Variants in MAP3K3 observed in about 807,000 individuals in gnomAD.
The protein encoded by MAP3K3 is mitogen-activated protein kinase kinase kinase 3.
Under a neutral mutation model 80.9 loss-of-function variants are expected in MAP3K3, and 12 were observed. The ratio of observed to expected loss-of-function variants is 0.15; its 90% CI spans 0.10 to 0.24. The LOEUF is 0.24. Ranked by LOEUF, MAP3K3 falls within the 10% of genes least tolerant of loss-of-function variation. MAP3K3 has a pLI of 1.00. For synonymous variants in MAP3K3, 272 were observed against 307.1 expected, an observed-to-expected ratio of 0.89 and a Z score of 1.19; for missense variants, 596 against 834.7, an observed-to-expected ratio of 0.71 and a Z score of 3.52.
At chr17:63,676,394 G>T (rs1166182994) in intron 6 of MAP3K3, among the ~76,000 whole-genome samples, 1 of 152,192 alleles carries the variant, frequency 6.6e-6, no homozygotes, top group Admixed American at 6.5e-5. Flanking sequence ...TCCCAGGGAA[G>T]TCTCACCCCA....
intron 2 of MAP3K3, among the ~76,000 whole-genome samples, chr17:63,637,274 T>C (rs913114924): frequency 6.6e-6 from 1 of 151,980 alleles, no homozygotes; most frequent in Admixed American, 6.5e-5. Context: ...TTATAATTTA[T>C]AGAGTGCTTT....
In MAP3K3 at chr17:63,691,664, GC is replaced by G; in HGVS notation, c.1345-68del. On this transcript the variant is annotated intron_variant, in intron 13 of 15. Transcript: ENST00000361733. This position sits in a 1 kb window ranked among gnomAD's most constrained non-coding sequence, Gnocchi z 4.8. Reference sequence around the variant, plus strand: ...TCACTCCTTTGCTGCCATGCTGGGGGCTGGAATGGGCTTGCCCCTCCACCAG... The same window carrying G: ...TCACTCCTTTGCTGCCATGCTGGGGGTGGAATGGGCTTGCCCCTCCACCAG... The G allele has an allele frequency of 5.1e-6, 8 of 1,570,076 alleles. No individual in the cohort carries two copies. Among genetic ancestry groups the G allele is most frequent in the Non-Finnish European group, 6.9e-6 (8 of 1,152,962 alleles).
chr17:63,686,982 A>G (rs2035463665), intron 8 of MAP3K3, among the ~76,000 whole-genome samples: 1 of 152,152 alleles, frequency 6.6e-6, no homozygotes, highest in East Asian at 1.9e-4. Flanking sequence ...GAATTTCCCC[A>G]TCTCCAAAAT....
chr17:63,642,606 C>T (rs540135346), intron 2 of MAP3K3, among the ~76,000 whole-genome samples: 4 of 151,914 alleles, frequency 2.6e-5, no homozygotes, highest in East Asian at 1.9e-4. Context: ...TGCAGTGAGC[C>T]GAGATCGCGC....
At chr17:63,690,742 T>C in intron 12 of MAP3K3, 1 of 438,022 alleles carries the variant, frequency 2.3e-6, no homozygotes, top group South Asian at 3.0e-5. Context: ...AGGAAGGAGC[T>C]GTGGGGCTCC....
intron 6 of MAP3K3, among the ~76,000 whole-genome samples, chr17:63,681,045 A>T (rs1170068655): frequency 1.3e-5 from 2 of 151,840 alleles, no homozygotes; most frequent in Admixed American, 1.3e-4. Flanking sequence ...GTAAAGCACC[A>T]CATAAATGCA....
intron 5 of MAP3K3, among the ~76,000 whole-genome samples, chr17:63,659,098 C>T (rs1288770932): frequency 1.3e-5 from 2 of 152,128 alleles, no homozygotes; most frequent in Non-Finnish European, 2.9e-5. Context: ...TCTTGAATTC[C>T]TGAGCTCAAA....
chr17:63,685,875 T>A (rs1359183043), intron 8 of MAP3K3, among the ~76,000 whole-genome samples: 2 of 152,262 alleles, frequency 1.3e-5, no homozygotes, highest in African/African-American at 2.4e-5. Flanking sequence ...CTCGTACTTT[T>A]GGCCTCACTG....
At chr17:63,690,460 A>T (rs2035561826) in intron 12 of MAP3K3, 48 bp downstream of exon 12, 1 of 1,593,714 alleles carries the variant, frequency 6.3e-7, no homozygotes. Flanking sequence ...TTCAACAAAA[A>T]TGCCTGTCTT....
At chr17:63,675,857 G>C (rs918264133) in intron 6 of MAP3K3, among the ~76,000 whole-genome samples, 1 of 152,222 alleles carries the variant, frequency 6.6e-6, no homozygotes, top group African/African-American at 2.4e-5. Flanking sequence ...GTTTTGCATA[G>C]CTCTGTGCTT....
At chr17:63,664,659 T>A (rs763130264) in intron 5 of MAP3K3, among the ~76,000 whole-genome samples, 7 of 152,202 alleles carry the variant, frequency 4.6e-5, no homozygotes, top group Non-Finnish European at 8.8e-5. Context: ...CACAGCTAAC[T>A]TCTACCCAGA....
At chr17:63,682,036 C>T (rs1489745639) in intron 7 of MAP3K3, 137 bp downstream of exon 7, 5 of 709,960 alleles carry the variant, frequency 7.0e-6, no homozygotes, top group Non-Finnish European at 1.0e-5. Flanking sequence ...ACCAGGCCTG[C>T]CCAAATATGG....
intron 5 of MAP3K3, among the ~76,000 whole-genome samples, chr17:63,664,894 C>T (rs1478813374): frequency 6.6e-6 from 1 of 152,102 alleles, no homozygotes; most frequent in Admixed American, 6.5e-5. Context: ...TTTTTATTTA[C>T]CATACCATTC....
chr17:63,643,265 G>A (rs1408508397), intron 2 of MAP3K3, among the ~76,000 whole-genome samples: 3 of 151,976 alleles, frequency 2.0e-5, no homozygotes, highest in African/African-American at 7.3e-5. Context: ...AGCACTTTGG[G>A]AGGCTGAGGT....
rs927072721 is a variant in MAP3K3, at chr17:63,666,218, T to TA, written c.382-721dup. Among the ~76,000 whole-genome samples, 101 of 152,194 alleles carry TA rather than the reference T, an allele frequency of 6.6e-4. 1 individual carries two copies. The highest frequency in any genetic ancestry group is 2.4e-3 in the African/African-American group (98 of 41,450). ...GACCTCTGTCTGGCACAATGGTACT[T>TA]ATGATAGCTTTTCCCAATTGAACAT... On this transcript the variant is annotated intron_variant, in intron 5 of 15. Coordinates refer to ENST00000361733, the MANE Select transcript of MAP3K3 (RefSeq NM_002401.5).
intron 3 of MAP3K3, among the ~76,000 whole-genome samples, chr17:63,646,584 T>A (rs1411525488): frequency 6.6e-6 from 1 of 152,208 alleles, no homozygotes; most frequent in Non-Finnish European, 1.5e-5. Flanking sequence ...AGACTTTAGC[T>A]CCTTTGAGGA....
Position 63,622,720 on chromosome 17 carries a change from ACACT to A in MAP3K3, c.-36_-33del, listed in dbSNP as rs771996520. 33 of 483,648 alleles carry A rather than the reference ACACT, an allele frequency of 6.8e-5. No individual in the cohort carries two copies. Among genetic ancestry groups the A allele is most frequent in the Non-Finnish European group, 8.0e-5 (20 of 250,342 alleles). 30.0% of individuals were successfully genotyped at this position (483,648 alleles called of 1,614,324 possible). On this transcript the variant is annotated 5_prime_UTR_variant, in exon 1 of 16. Coordinates refer to ENST00000361733, the MANE Select transcript of MAP3K3 (RefSeq NM_002401.5). Reference sequence around the variant, plus strand: ...GCATGCAGCCCCGGCTGCGGAGGTGACACTCACGGACCTTAGCCACCGCCGCCGC... The same window carrying A: ...GCATGCAGCCCCGGCTGCGGAGGTGACACGGACCTTAGCCACCGCCGCCGC...
intron 6 of MAP3K3, among the ~76,000 whole-genome samples, chr17:63,672,012 G>A (rs1179087317): frequency 6.6e-6 from 1 of 151,908 alleles, no homozygotes; most frequent in South Asian, 2.1e-4. Flanking sequence ...GCCAGGTTTG[G>A]TGGCTCACAT....
chr17:63,668,517 G>A lies in MAP3K3; in HGVS notation c.502+1457G>A, dbSNP rs545876324. Among the ~76,000 whole-genome samples, 124 of 152,278 alleles carry A rather than the reference G, an allele frequency of 8.1e-4. 2 individuals are homozygous for A. Among genetic ancestry groups the A allele is most frequent in the Middle Eastern group, 3.4e-3 (1 of 294 alleles). On this transcript the variant is annotated intron_variant, in intron 6 of 15. Transcript: ENST00000361733. The stretch of plus-strand genomic sequence containing the variant: ...GCTCTGCCAGTTTGGCCTCTTTTCC[G>A]TAGTCCTTGTAGAGATTGAGGGGAT...
Sources: gnomAD v4.1 joint callset for allele counts (sites outside exome capture counted in the v4.1 genomes callset) on GRCh38, gnomAD v4.1.1 for gene constraint, Gnocchi (gnomAD v3.1) non-coding constraint, MANE v1.5 for transcripts, NCBI Gene and HGNC (gene_info 2026-07-23, HGNC 2026-07-21) for gene names.